The following MGMT variants were observed in gnomAD, a reference collection of about 807,000 sequenced individuals.
The protein encoded by MGMT is methylated-DNA--protein-cysteine methyltransferase.
MGMT carries 14 observed loss-of-function variants against 15.9 expected under a neutral mutation model. That is an observed-to-expected ratio of 0.88 (90% CI 0.58 to 1.37). The LOEUF (loss-of-function observed/expected upper bound fraction) is 1.37, where lower values mean the gene tolerates loss of function less well. Ranked by LOEUF, MGMT falls within the 40% of genes most tolerant of loss-of-function variation. The pLI is 0.00. For synonymous variants in MGMT, 130 were observed against 118.2 expected (o/e 1.10, Z -0.65); for missense variants, 282 against 268.1 (o/e 1.05, Z -0.36).
At chr10:129,521,179 A>G (rs547665710) in intron 1 of MGMT, among the ~76,000 whole-genome samples, 36 of 152,256 alleles carry the variant, frequency 2.4e-4, no homozygotes, top group East Asian at 1.4e-3. Flanking sequence ...GGCCCCGCAC[A>G]TCGTCAGAGT....
At chr10:129,644,237 C>T (rs1164565092) in intron 2 of MGMT, among the ~76,000 whole-genome samples, 1 of 152,214 alleles carries the variant, frequency 6.6e-6, no homozygotes, top group Non-Finnish European at 1.5e-5. Flanking sequence ...ACCTGTAACT[C>T]TCTAGCAAAT....
chr10:129,686,916 A>G (rs867370909), intron 2 of MGMT, among the ~76,000 whole-genome samples: 112 of 152,208 alleles, frequency 7.4e-4, no homozygotes, highest in African/African-American at 2.7e-3. Context: ...GGTTCTTCTC[A>G]GGCCTACCTC....
chr10:129,520,718 C>G (rs75277533), intron 1 of MGMT, among the ~76,000 whole-genome samples: 37,366 of 137,898 alleles, frequency 0.27, 5,594 homozygotes, highest in African/African-American at 0.45. Context: ...AGGGTGCAGA[C>G]CCCCTATGGT....
In MGMT at chr10:129,551,013, C is replaced by T. The variant is rs144866629; in HGVS notation, c.125+14636C>T. On this transcript the variant is annotated intron_variant, in intron 2 of 4. Transcript: ENST00000651593. ...TCTTCGTCAGGACATGGAGCCATTT[C>T]GGGTAGGGCCCTGGGTCTACCCTGT... is the stretch of plus-strand genomic sequence containing the variant. Among the ~76,000 whole-genome samples, 51 of 152,286 alleles carry T rather than the reference C, an allele frequency of 3.3e-4. No homozygotes were observed. The East Asian group carries it at 8.9e-3, about 27-fold the overall frequency.
At chr10:129,570,898 T>G (rs1456978861) in intron 2 of MGMT, among the ~76,000 whole-genome samples, 1 of 152,196 alleles carries the variant, frequency 6.6e-6, no homozygotes, top group Non-Finnish European at 1.5e-5. Flanking sequence ...CAGTTATGGT[T>G]GTTAACTGGT....
chr10:129,645,921 C>G (rs1028578112), intron 2 of MGMT, among the ~76,000 whole-genome samples: 1 of 152,176 alleles, frequency 6.6e-6, no homozygotes, highest in African/African-American at 2.4e-5. Context: ...CAGTGTCTTG[C>G]TAACCAGCAG....
At chr10:129,475,514 A>G (rs544971418) in intron 1 of MGMT, among the ~76,000 whole-genome samples, 4 of 152,360 alleles carry the variant, frequency 2.6e-5, no homozygotes, top group Non-Finnish European at 5.9e-5. Context: ...TACTGAATTT[A>G]GCTAGCTAGC....
At chr10:129,507,002 A>G (rs898194776) in intron 1 of MGMT, among the ~76,000 whole-genome samples, 1 of 152,130 alleles carries the variant, frequency 6.6e-6, no homozygotes, top group African/African-American at 2.4e-5. Flanking sequence ...TGTGTCCATC[A>G]CCAGGTTACT....
chr10:129,537,589 A>G (rs1430643850), intron 2 of MGMT, among the ~76,000 whole-genome samples: 1 of 152,156 alleles, frequency 6.6e-6, no homozygotes, highest in Non-Finnish European at 1.5e-5. Flanking sequence ...GGAAAAAGGT[A>G]CAAAGTGAAT....
rs1046129895 is a variant in MGMT, at chr10:129,556,888, C to T, written c.125+20511C>T. 2.6e-5 allele frequency among the ~76,000 whole-genome samples: 4 copies of T among 151,960 alleles called. No homozygotes were observed. Among genetic ancestry groups the T allele is most frequent in the Admixed American group, 6.5e-5 (1 of 15,270 alleles). On this transcript the variant is annotated intron_variant, in intron 2 of 4. Coordinates refer to ENST00000651593, the MANE Select transcript of MGMT (RefSeq NM_002412.5). The surrounding 1 kb of genome is among the most constrained non-coding windows in gnomAD (Gnocchi z 4.3). ...ACCAGCTTTCCCTTGAGTTCTGGGG[C>T]GGGACGTGGAATGTTTGTGAGGCTA...
intron 1 of MGMT, among the ~76,000 whole-genome samples, chr10:129,477,474 A>G (rs1174640260): frequency 6.6e-6 from 1 of 152,230 alleles, no homozygotes; most frequent in Non-Finnish European, 1.5e-5. Context: ...ATTTGGAGAC[A>G]GGGCCTTTAG....
chr10:129,710,769 G>A (rs896787178), intron 3 of MGMT, among the ~76,000 whole-genome samples: 1 of 152,192 alleles, frequency 6.6e-6, no homozygotes, highest in Admixed American at 6.5e-5. Flanking sequence ...TCTCAGAGCC[G>A]CCTGGAAGCT....
At chr10:129,695,807 G>A (rs1255298009) in intron 2 of MGMT, among the ~76,000 whole-genome samples, 9 of 152,174 alleles carry the variant, frequency 5.9e-5, no homozygotes, top group South Asian at 2.1e-4. Context: ...CTCAGAGGGC[G>A]GGCGTGGCTT....
intron 3 of MGMT, among the ~76,000 whole-genome samples, chr10:129,758,567 A>G (rs1326082899): frequency 6.6e-6 from 1 of 152,146 alleles, no homozygotes; most frequent in Non-Finnish European, 1.5e-5. Flanking sequence ...GATGCGGCAC[A>G]AATGCAGTTG....
chr10:129,590,889 G>T (rs376525871), intron 2 of MGMT, among the ~76,000 whole-genome samples: 1 of 152,348 alleles, frequency 6.6e-6, no homozygotes, highest in South Asian at 2.1e-4. Flanking sequence ...CCTCTCTCCC[G>T]CCGGCTGACG....
rs536211883 is a variant in MGMT, at chr10:129,556,351, C to T, written c.125+19974C>T. On this transcript the variant is annotated intron_variant, in intron 2 of 4. Transcript: ENST00000651593. The surrounding 1 kb of genome is among the most constrained non-coding windows in gnomAD (Gnocchi z 4.3). The stretch of plus-strand genomic sequence containing the variant: ...AGAGGAGCCCCTCACCCAGTGTGAC[C>T]GGTGTCCCCATGAGATGGAGGTTGT... 4.6e-5 allele frequency among the ~76,000 whole-genome samples: 7 copies of T among 152,240 alleles called. No individual in the cohort carries two copies. The South Asian group carries it at 6.2e-4, about 14-fold the overall frequency.
At position 129,477,416 on chromosome 10, in the gene MGMT, G is replaced by A. The variant is rs551337065; in HGVS notation, c.-13+10120G>A. Among the ~76,000 whole-genome samples the A allele has an allele frequency of 6.8e-4, 103 of 152,252 alleles. 1 individual carries two copies. The highest frequency in any genetic ancestry group is 1.2e-3 in the Non-Finnish European group (84 of 68,030). On this transcript the variant is annotated intron_variant, in intron 1 of 4. Transcript: ENST00000651593. ...GACACAGGGTGCTGTGGACTGAACC[G>A]TGTCCCCAAGATTCACAGGCTGAAG...
chr10:129,767,624 A>AAGAC lies in MGMT; in HGVS notation c.*631_*634dup, dbSNP rs1564789673. 6.6e-6 allele frequency: 1 copy of AAGAC among 152,320 alleles called. No homozygotes were observed. The highest frequency in any genetic ancestry group is 1.5e-5 in the Non-Finnish European group (1 of 68,088). The allele number at this position is 152,320 out of a possible 1,614,324, so 9.4% of individuals were successfully genotyped here. ...AAATAACCATTTGCCAAGATTTGGA[A>AAGAC]AGACAGAGAGCTCTCTGGACACGGG... On this transcript the variant is annotated 3_prime_UTR_variant, in exon 5 of 5. Transcript: ENST00000651593.
intron 2 of MGMT, among the ~76,000 whole-genome samples, chr10:129,573,853 T>G (rs78781934): frequency 0.032 from 4,947 of 152,314 alleles, 130 homozygotes; most frequent in South Asian, 0.065. Context: ...TGTTATAAAA[T>G]TATTCTAAGA....
Sources: allele counts gnomAD v4.1 joint callset (sites outside exome capture counted in the v4.1 genomes callset), GRCh38; gene constraint gnomAD v4.1.1; non-coding constraint Gnocchi (gnomAD v3.1); transcripts MANE v1.5; gene names NCBI Gene and HGNC (gene_info 2026-07-23, HGNC 2026-07-21).